The following SCHIP1 variants were observed in gnomAD, a reference collection of about 807,000 sequenced individuals.
The protein encoded by SCHIP1 is schwannomin interacting protein 1.
SCHIP1 carries 8 observed loss-of-function variants against 29.7 expected under a neutral mutation model. The ratio of observed to expected loss-of-function variants is 0.27; its 90% CI spans 0.16 to 0.49. The LOEUF (loss-of-function observed/expected upper bound fraction) is 0.49. Among genes scored for constraint, SCHIP1 ranks in the 20% least tolerant of loss-of-function variants. SCHIP1 has a pLI of 0.99. For synonymous variants in SCHIP1, 76 were observed against 94.9 expected (o/e 0.80, Z 1.16); for missense variants, 193 against 294.6 (o/e 0.66, Z 2.52).
At chr3:159,463,218 A>C in the SCHIP1 span, among the ~76,000 whole-genome samples, 2 of 152,084 alleles carry the variant, frequency 1.3e-5, no homozygotes, top group African/African-American at 4.8e-5. Context: ...TGTCAATTCA[A>C]ACAGTAGGTT....
the SCHIP1 span, among the ~76,000 whole-genome samples, chr3:159,423,338 C>T: frequency 5.3e-5 from 8 of 152,304 alleles, no homozygotes; most frequent in South Asian, 6.2e-4. Flanking sequence ...CCTGGAAAAT[C>T]GGGTCACTCC....
chr3:159,785,847 G>A, the SCHIP1 span, among the ~76,000 whole-genome samples: 2 of 152,196 alleles, frequency 1.3e-5, no homozygotes, highest in Admixed American at 1.3e-4. Context: ...CACTGGGGCA[G>A]CTTATACTTT....
the SCHIP1 span, among the ~76,000 whole-genome samples, chr3:159,819,888 C>T: frequency 6.6e-6 from 1 of 152,206 alleles, no homozygotes; most frequent in African/African-American, 2.4e-5. Flanking sequence ...CTTCCTGTCA[C>T]CCTTAGGTGA....
chr3:159,465,414 G>A, the SCHIP1 span, among the ~76,000 whole-genome samples: 1 of 151,752 alleles, frequency 6.6e-6, no homozygotes. Context: ...TTAATCTACA[G>A]TTAGAATTTT....
chr3:159,508,324 A>AT, the SCHIP1 span, among the ~76,000 whole-genome samples: 5 of 151,988 alleles, frequency 3.3e-5, no homozygotes, highest in African/African-American at 1.2e-4. Flanking sequence ...CCCCTTTGTC[A>AT]TTTTTTATTG....
chr3:159,354,841 G>GCAAATAACA, the SCHIP1 span, among the ~76,000 whole-genome samples: 4 of 152,124 alleles, frequency 2.6e-5, no homozygotes, highest in Non-Finnish European at 5.9e-5. Flanking sequence ...ATAGAAAAAG[G>GCAAATAACA]CAAATAACAC....
At chr3:159,602,154 T>G in the SCHIP1 span, among the ~76,000 whole-genome samples, 1 of 152,206 alleles carries the variant, frequency 6.6e-6, no homozygotes, top group Non-Finnish European at 1.5e-5. Flanking sequence ...GCCCTCTCAC[T>G]TAATCTTTTC....
At chr3:159,491,292 G>A in the SCHIP1 span, among the ~76,000 whole-genome samples, 962 of 152,336 alleles carry the variant, frequency 6.3e-3, 15 homozygotes, top group African/African-American at 0.022. Context: ...TGCATGAGTC[G>A]AAGCAGGGCG....
chr3:159,352,937 C>G, the SCHIP1 span, among the ~76,000 whole-genome samples: 108,378 of 151,966 alleles, frequency 0.71, 39,437 homozygotes, highest in African/African-American at 0.85. Flanking sequence ...ACACAGCTTT[C>G]ATGAAAATTG....
At chr3:159,443,982 A>G in the SCHIP1 span, among the ~76,000 whole-genome samples, 67 of 152,290 alleles carry the variant, frequency 4.4e-4, no homozygotes, top group Admixed American at 3.9e-4. Flanking sequence ...TCTGACTACC[A>G]GAAGACTGTA....
the SCHIP1 span, among the ~76,000 whole-genome samples, chr3:159,635,264 G>A: frequency 2.0e-5 from 3 of 152,226 alleles, no homozygotes; most frequent in Admixed American, 6.5e-5. Context: ...AGGAGCAGTC[G>A]GGCAGGAGCT....
At chr3:159,738,155 CA>C in the SCHIP1 span, among the ~76,000 whole-genome samples, 367 of 151,580 alleles carry the variant, frequency 2.4e-3, 1 homozygote, top group African/African-American at 8.3e-3. Flanking sequence ...CATGTTTTAA[CA>C]TGATTGACAC....
chr3:159,701,331 G>C, the SCHIP1 span, among the ~76,000 whole-genome samples: 1 of 152,086 alleles, frequency 6.6e-6, no homozygotes, highest in Non-Finnish European at 1.5e-5. Flanking sequence ...TGAGCACAAA[G>C]TACAGAGTTC....
At chr3:159,545,546 T>G in the SCHIP1 span, among the ~76,000 whole-genome samples, 3 of 151,482 alleles carry the variant, frequency 2.0e-5, no homozygotes, top group South Asian at 6.3e-4. Context: ...TGTGACCATG[T>G]GAGTTAATGC....
the SCHIP1 span, among the ~76,000 whole-genome samples, chr3:159,670,239 T>G: frequency 2.0e-5 from 3 of 152,216 alleles, no homozygotes; most frequent in Non-Finnish European, 4.4e-5. Context: ...ATAAGCAGAA[T>G]AAACAAACCC....
chr3:159,654,672 G>A, the SCHIP1 span, among the ~76,000 whole-genome samples: 1 of 151,970 alleles, frequency 6.6e-6, no homozygotes, highest in Admixed American at 6.6e-5. Context: ...GAGGTGGCAG[G>A]ACAGCAGGGA....
the SCHIP1 span, among the ~76,000 whole-genome samples, chr3:159,498,121 G>T: frequency 6.6e-6 from 1 of 152,130 alleles, no homozygotes; most frequent in Non-Finnish European, 1.5e-5. Context: ...AATAAGCAAT[G>T]ATTTCCAAAA....
chr3:159,632,973 G>A, the SCHIP1 span, among the ~76,000 whole-genome samples: 1 of 152,156 alleles, frequency 6.6e-6, no homozygotes, highest in Non-Finnish European at 1.5e-5. Flanking sequence ...GTTGACTCTA[G>A]ATTTAGTTCA....
chr3:159,601,037 C>T, the SCHIP1 span, among the ~76,000 whole-genome samples: 2 of 152,182 alleles, frequency 1.3e-5, no homozygotes, highest in Non-Finnish European at 2.9e-5. Flanking sequence ...GTCTTTGGGT[C>T]CCAAGAGTAG....
Sources: gnomAD v4.1 joint callset for allele counts (sites outside exome capture counted in the v4.1 genomes callset) on GRCh38, gnomAD v4.1.1 for gene constraint, MANE v1.5 for transcripts, NCBI Gene and HGNC (gene_info 2026-07-23, HGNC 2026-07-21) for gene names.